Variants in NUSAP1 observed in about 807,000 individuals in gnomAD.
The protein encoded by NUSAP1 is nucleolar and spindle-associated protein 1.
Under a neutral mutation model 52.8 loss-of-function variants are expected in NUSAP1, and 32 were observed. The ratio of observed to expected loss-of-function variants is 0.61; its 90% confidence interval spans 0.46 to 0.81. The LOEUF is 0.81. Ranked by LOEUF, NUSAP1 falls within the 40% of genes least tolerant of loss-of-function variation. NUSAP1 has a pLI of 0.00. For synonymous variants in NUSAP1, 195 were observed against 183.1 expected (o/e 1.06, Z -0.52); for missense variants, 499 against 522.3 (o/e 0.96, Z 0.43).
chr15:41,378,222 G>A (rs2050052145), intron 10 of NUSAP1, among the ~76,000 whole-genome samples: 1 of 152,092 alleles, frequency 6.6e-6, no homozygotes, highest in African/African-American at 2.4e-5. Flanking sequence ...ATGCCCAGCA[G>A]CCCAGGGCAC....
chr15:41,349,490 G>A, intron 3 of NUSAP1: 1 of 366,246 alleles, frequency 2.7e-6, no homozygotes, highest in Admixed American at 4.0e-5. Context: ...AACATTCATT[G>A]AGTGTTCACT....
intron 1 of NUSAP1, among the ~76,000 whole-genome samples, chr15:41,337,090 C>T (rs2048185263): frequency 7.0e-6 from 1 of 143,488 alleles, no homozygotes; most frequent in Non-Finnish European, 1.5e-5. Flanking sequence ...AATCAGGACT[C>T]ACTGCAGCCT....
chr15:41,368,443 TTAACTCTTCCTCA>T (rs2049509607), intron 7 of NUSAP1, among the ~76,000 whole-genome samples: 1 of 152,106 alleles, frequency 6.6e-6, no homozygotes, highest in South Asian at 2.1e-4. Flanking sequence ...AACTGAAAAA[TTAACTCTTCCTCA>T]AATACCAATA....
rs1464207303 is a variant in NUSAP1, at chr15:41,377,184, G to C, written c.1124-12G>C. ...AATCTTTTTAAAATTCTTTGTCTCT[G>C]TCCTAAACTAGGAAAGCTAAAACCA... On this transcript the variant is annotated splice_polypyrimidine_tract_variant and intron_variant, in intron 9 of 10. Coordinates refer to ENST00000559596, the MANE Select transcript of NUSAP1 (RefSeq NM_016359.5). The C allele has an allele frequency of 3.7e-6, 5 of 1,342,182 alleles. No homozygotes were observed. The East Asian group carries it at 1.3e-4, about 34-fold the overall frequency. The allele number at this position is 1,342,182 out of a possible 1,614,324, so 83.1% of individuals were successfully genotyped here.
intron 4 of NUSAP1, among the ~76,000 whole-genome samples, chr15:41,353,149 T>C (rs892512721): frequency 1.4e-4 from 22 of 152,088 alleles, no homozygotes; most frequent in African/African-American, 4.8e-4. Context: ...AAATATCCTT[T>C]CTTTGTTTTG....
In NUSAP1 at chr15:41,378,840, C is replaced by A. The variant is rs115000899; in HGVS notation, c.1233-1253C>A. On this transcript the variant is annotated intron_variant, in intron 10 of 10. Transcript: ENST00000559596. Reference sequence around the variant, plus strand: ...ACATAGTTTAGTGAAAGGAATAGAACTAGAACCAGGATCTACTGAGTTAGC... The same window carrying A: ...ACATAGTTTAGTGAAAGGAATAGAAATAGAACCAGGATCTACTGAGTTAGC... Among the ~76,000 whole-genome samples the A allele has an allele frequency of 3.3e-3, 486 of 146,148 alleles. 4 individuals carry two copies. Among genetic ancestry groups the A allele is most frequent in the African/African-American group, 0.012 (465 of 39,166 alleles).
At chr15:41,368,734 T>TC (rs2049530326) in intron 7 of NUSAP1, among the ~76,000 whole-genome samples, 1 of 131,220 alleles carries the variant, frequency 7.6e-6, no homozygotes, top group Non-Finnish European at 1.7e-5. Flanking sequence ...TATTCTTTTT[T>TC]TTTTTTTTTT....
chr15:41,380,305 A>G lies in NUSAP1; in HGVS notation c.*119A>G. ...AGATCTTTTTCTGCTAACTGTTCAT[A>G]GTCTGTGTAGTGTCCATGGGTTCTT... On this transcript the variant is annotated 3_prime_UTR_variant, in exon 11 of 11. Coordinates refer to ENST00000559596, the MANE Select transcript of NUSAP1 (RefSeq NM_016359.5). The G allele has an allele frequency of 1.5e-6, 1 of 649,254 alleles. No individual in the cohort carries two copies. The highest frequency in any genetic ancestry group is 1.9e-5 in the South Asian group (1 of 52,186). The allele number at this position is 649,254 out of a possible 1,614,324, so 40.2% of individuals were successfully genotyped here. A position where few individuals can be genotyped will look rare whatever the true frequency, so the allele number is the denominator to read the frequency against.
intron 7 of NUSAP1, among the ~76,000 whole-genome samples, chr15:41,368,847 C>T (rs916465713): frequency 6.7e-6 from 1 of 148,830 alleles, no homozygotes; most frequent in Admixed American, 6.8e-5. Flanking sequence ...ATTCTCATGC[C>T]TCAGCCTCCT....
At chr15:41,379,191 T>C (rs1356955280) in intron 10 of NUSAP1, among the ~76,000 whole-genome samples, 1 of 152,014 alleles carries the variant, frequency 6.6e-6, no homozygotes, top group Non-Finnish European at 1.5e-5. Context: ...TGATCTCAGG[T>C]GATCCACCCA....
rs1555426231 is a variant in NUSAP1 at position 41,336,654 on chromosome 15, T to TTGTTTTTTTTTTTTGTTTG, written c.93+3605_93+3606insGTTTTTTTTTTTTGTTTGT. 8.5e-3 allele frequency among the ~76,000 whole-genome samples: 1,221 copies of TTGTTTTTTTTTTTTGTTTG among 143,648 alleles called. 7 individuals are homozygous for TTGTTTTTTTTTTTTGTTTG. Among genetic ancestry groups the TTGTTTTTTTTTTTTGTTTG allele is most frequent in the Non-Finnish European group, 0.013 (852 of 65,916 alleles). The allele number at this position is 143,648 out of a possible 152,430, so 94.2% of individuals were successfully genotyped here. A position where few individuals can be genotyped will look rare whatever the true frequency, so the allele number is the denominator to read the frequency against. On this transcript the variant is annotated intron_variant, in intron 1 of 10. Coordinates refer to ENST00000559596, the MANE Select transcript of NUSAP1 (RefSeq NM_016359.5). ...TTTGATCCTCCTCCTTTTGGTTTTT[T>TTGTTTTTTTTTTTTGTTTG]TTTTTTTTTTTTTTTGAGATAAGGT...
intron 1 of NUSAP1, among the ~76,000 whole-genome samples, chr15:41,340,839 A>G (rs1053372165): frequency 9.8e-5 from 15 of 152,326 alleles, no homozygotes; most frequent in African/African-American, 3.6e-4. Flanking sequence ...CATTCTGGTA[A>G]AGTGGATTGG....
intron 2 of NUSAP1, among the ~76,000 whole-genome samples, chr15:41,348,678 T>G (rs2048669948): frequency 6.6e-6 from 1 of 152,226 alleles, no homozygotes; most frequent in Admixed American, 6.5e-5. Flanking sequence ...TCGTTCTTGT[T>G]GCCCAGGCTG....
chr15:41,375,746 G>A lies in NUSAP1; in HGVS notation c.1041G>A (p.Thr347=), dbSNP rs80023041. The A allele has an allele frequency of 2.4e-3, 3,807 of 1,613,612 alleles. 79 individuals carry two copies. The African/African-American group carries it at 0.047, about 20-fold the overall frequency. The change falls in exon 9 of 11, where the codon ACG becomes ACA. Residue 347 remains threonine (T), a synonymous_variant. Transcript: ENST00000559596. Reference sequence around the variant, plus strand: ...CATTCAAGTTGACAACTGAGGCAACGCAGACTCCAGTCTCCAATAAGAAAC... The same window carrying A: ...CATTCAAGTTGACAACTGAGGCAACACAGACTCCAGTCTCCAATAAGAAAC... ...ITPFKLTTEA[T]QTPVSNKKPV...
At chr15:41,370,782 C>T (rs150581913) in intron 7 of NUSAP1, among the ~76,000 whole-genome samples, 71 of 150,316 alleles carry the variant, frequency 4.7e-4, no homozygotes, top group African/African-American at 1.6e-3. Context: ...ATTAGCCAGG[C>T]GCAGTGGCAC....
intron 1 of NUSAP1, among the ~76,000 whole-genome samples, chr15:41,334,863 T>C (rs2048061356): frequency 6.6e-6 from 1 of 152,164 alleles, no homozygotes; most frequent in African/African-American, 2.4e-5. Context: ...CAAGTATTTA[T>C]ATGTGAATCA....
chr15:41,359,377 G>C (rs1595569875), intron 6 of NUSAP1, among the ~76,000 whole-genome samples: 2 of 152,186 alleles, frequency 1.3e-5, no homozygotes, highest in Non-Finnish European at 2.9e-5. Flanking sequence ...TAAGTTTATG[G>C]TATTAAATAT....
chr15:41,370,134 C>A (rs1057247550), intron 7 of NUSAP1, among the ~76,000 whole-genome samples: 2 of 151,858 alleles, frequency 1.3e-5, no homozygotes, highest in African/African-American at 4.8e-5. Flanking sequence ...GTAATCCCAG[C>A]ACTTTGGGAG....
At chr15:41,343,818 A>C (rs1217252633) in intron 2 of NUSAP1, among the ~76,000 whole-genome samples, 1 of 151,922 alleles carries the variant, frequency 6.6e-6, no homozygotes, top group African/African-American at 2.4e-5. Context: ...TCCAGGCTTT[A>C]ATTAACTGAA....
Sources: allele counts gnomAD v4.1 joint callset (sites outside exome capture counted in the v4.1 genomes callset), GRCh38; gene constraint gnomAD v4.1.1; transcripts MANE v1.5; gene names NCBI Gene and HGNC (gene_info 2026-07-23, HGNC 2026-07-21).